MRE11: variants seen among roughly 807,000 people sequenced by gnomAD.
MRE11 encodes double-strand break repair protein MRE11.
In MRE11, 62 loss-of-function variants were observed where a neutral mutation model predicts 91.7. The ratio of observed to expected loss-of-function variants is 0.68; its 90% CI spans 0.55 to 0.84. The LOEUF (loss-of-function observed/expected upper bound fraction) is 0.84. MRE11 is among the 40% of genes least tolerant of loss of function. The pLI is 0.00. For synonymous variants in MRE11, 273 were observed against 271.4 expected (o/e 1.01, Z -0.06); for missense variants, 796 against 852.9 (o/e 0.93, Z 0.83).
chr11:94,507,245 GGTTT>G, the MRE11 span, among the ~76,000 whole-genome samples: 5 of 151,944 alleles, frequency 3.3e-5, no homozygotes, highest in Admixed American at 6.5e-5. Context: ...TTTTGCATTT[GGTTT>G]ATTTCACTCA....
At chr11:94,511,566 G>A in the MRE11 span, among the ~76,000 whole-genome samples, 1 of 152,142 alleles carries the variant, frequency 6.6e-6, no homozygotes, top group Non-Finnish European at 1.5e-5. Flanking sequence ...GAGAAATCTC[G>A]TCTTTCATCG....
chr11:94,476,200 T>A, intron 7 of MRE11, 89 bp downstream of exon 7: 2 of 789,756 alleles, frequency 2.5e-6, no homozygotes, highest in Non-Finnish European at 4.5e-6. Flanking sequence ...CTTGAAAGAT[T>A]AAGGGCATTT....
chr11:94,489,708 G>A (rs928561593), intron 3 of MRE11, among the ~76,000 whole-genome samples: 25 of 152,158 alleles, frequency 1.6e-4, no homozygotes, highest in African/African-American at 5.8e-4. Flanking sequence ...GGCTGGCGGT[G>A]TTAATTTGCA....
chr11:94,509,094 T>C, the MRE11 span, among the ~76,000 whole-genome samples: 739 of 152,356 alleles, frequency 4.9e-3, 7 homozygotes, highest in African/African-American at 0.017. Flanking sequence ...CTGAGATTCA[T>C]ATTGAGATTA....
intron 7 of MRE11, chr11:94,473,696 T>C (rs1946774575): frequency 6.6e-6 from 1 of 152,062 alleles, no homozygotes; most frequent in South Asian, 2.1e-4. Flanking sequence ...GTTTGAAAAA[T>C]TAGGTTTCAA....
chr11:94,422,390 G>A (rs1177644105), intron 19 of MRE11, among the ~76,000 whole-genome samples: 1 of 152,070 alleles, frequency 6.6e-6, no homozygotes, highest in Admixed American at 6.5e-5. Context: ...ATACCTGTAT[G>A]TCATGAAATC....
chr11:94,477,053 A>G (rs2135075703), intron 6 of MRE11, among the ~76,000 whole-genome samples: 2 of 152,324 alleles, frequency 1.3e-5, no homozygotes, highest in African/African-American at 4.8e-5. Context: ...AGTTAGTTGC[A>G]TTTGAAAAAC....
chr11:94,468,694 A>G (rs1397008429), intron 9 of MRE11, among the ~76,000 whole-genome samples: 1 of 152,238 alleles, frequency 6.6e-6, no homozygotes, highest in Non-Finnish European at 1.5e-5. Context: ...AATGAAGTCC[A>G]AAAGAGTTTT....
At chr11:94,428,152 C>T (rs893868701) in intron 19 of MRE11, among the ~76,000 whole-genome samples, 3 of 152,134 alleles carry the variant, frequency 2.0e-5, no homozygotes, top group African/African-American at 7.2e-5. Context: ...TATTATAAGG[C>T]TACAGTAACC....
rs1591726493 is a variant in MRE11, at chr11:94,490,836, A to G, written c.150T>C (p.Asn50=). ...LDEILRLAQE[N]EVDFILLGGD... Reference sequence around the variant, plus strand: ...CACAAATACAAACCACACTCACTTCATTTTCCTGGGCAAGTCTTAAAATTT... The same window carrying G: ...CACAAATACAAACCACACTCACTTCGTTTTCCTGGGCAAGTCTTAAAATTT... The change falls in exon 3 of 20, where the codon AAT becomes AAC. Residue 50 remains asparagine (N), a synonymous_variant. Coordinates refer to ENST00000323929, the MANE Select transcript of MRE11 (RefSeq NM_005591.4). 1 of 1,613,630 alleles carries G rather than the reference A, an allele frequency of 6.2e-7. No individual in the cohort carries two copies. Among genetic ancestry groups the G allele is most frequent in the Non-Finnish European group, 8.5e-7 (1 of 1,179,770 alleles).
At chr11:94,463,024 C>A (rs1946461176) in intron 11 of MRE11, among the ~76,000 whole-genome samples, 2 of 152,182 alleles carry the variant, frequency 1.3e-5, no homozygotes, top group Non-Finnish European at 2.9e-5. Context: ...TTTTTGCAAT[C>A]TACCCTTCTG....
intron 19 of MRE11, among the ~76,000 whole-genome samples, chr11:94,426,616 A>C (rs1029430917): frequency 3.0e-4 from 45 of 152,290 alleles, no homozygotes; most frequent in Admixed American, 2.6e-4. Flanking sequence ...AATGAAATCA[A>C]GAATTGGTTC....
chr11:94,419,483 A>G lies in MRE11; in HGVS notation c.*642T>C, dbSNP rs1028908032. 4.3e-6 allele frequency: 1 copy of G among 232,696 alleles called. No individual in the cohort carries two copies. Among genetic ancestry groups the G allele is most frequent in the African/African-American group, 2.2e-5 (1 of 45,242 alleles). The allele number at this position is 232,696 out of a possible 1,614,324, so 14.4% of individuals were successfully genotyped here. On this transcript the variant is annotated 3_prime_UTR_variant, in exon 20 of 20. Coordinates refer to ENST00000323929, the MANE Select transcript of MRE11 (RefSeq NM_005591.4). ...GGGAGAGGGAGAGAGAGAGAGAGAGAGAGAGAGAGAGAACACCATTAAGGA... is the reference window on the plus strand; with the variant it reads ...GGGAGAGGGAGAGAGAGAGAGAGAGGGAGAGAGAGAGAACACCATTAAGGA...
Position 94,415,733 on chromosome 11 carries a change from A to C in MRE11, c.*4392T>G, listed in dbSNP as rs1304633589. 6.6e-6 allele frequency: 1 copy of C among 152,234 alleles called. No individual in the cohort carries two copies. Among genetic ancestry groups the C allele is most frequent in the African/African-American group, 2.4e-5 (1 of 41,462 alleles). The allele number at this position is 152,234 out of a possible 1,614,324, so 9.4% of individuals were successfully genotyped here. On this transcript the variant is annotated 3_prime_UTR_variant, in exon 20 of 20. Transcript: ENST00000323929. ...GCATATGTAGAAAAGTCAGAATGTC[A>C]AAATAAGTACCAAGGAGAACATATA...
intron 7 of MRE11, among the ~76,000 whole-genome samples, 188 bp from the exon 8 acceptor site, chr11:94,471,947 A>T (rs1946728281): frequency 6.6e-6 from 1 of 152,062 alleles, no homozygotes; most frequent in Admixed American, 6.6e-5. Flanking sequence ...GAGCTTTACA[A>T]ACTTATTGGA....
upstream of MRE11, among the ~76,000 whole-genome samples, chr11:94,495,105 C>T (rs899170424): frequency 2.0e-5 from 3 of 152,070 alleles, no homozygotes; most frequent in Non-Finnish European, 4.4e-5. Flanking sequence ...GTAACAGGAC[C>T]AGAAAAGTTA....
the MRE11 span, among the ~76,000 whole-genome samples, chr11:94,511,102 G>T: frequency 6.6e-6 from 1 of 152,200 alleles, no homozygotes. Context: ...AAATCTCTCA[G>T]AAAATAGTGC....
chr11:94,462,735 A>G (rs1946454522), intron 11 of MRE11, among the ~76,000 whole-genome samples: 1 of 152,234 alleles, frequency 6.6e-6, no homozygotes, highest in South Asian at 2.1e-4. Context: ...ATATGTAGAA[A>G]GCTGAAACTG....
intron 17 of MRE11, among the ~76,000 whole-genome samples, chr11:94,436,906 G>C (rs946991517): frequency 6.6e-6 from 1 of 152,060 alleles, no homozygotes; most frequent in Non-Finnish European, 1.5e-5. Flanking sequence ...CCATGTATGA[G>C]CTCTTTTGGT....
Sources: gnomAD v4.1 joint callset for allele counts (sites outside exome capture counted in the v4.1 genomes callset) on GRCh38, gnomAD v4.1.1 for gene constraint, MANE v1.5 for transcripts, NCBI Gene and HGNC (gene_info 2026-07-23, HGNC 2026-07-21) for gene names.